The following HECW1 variants were observed in gnomAD, a reference collection of about 807,000 sequenced individuals.
HECW1 encodes HECT, C2 and WW domain containing E3 ubiquitin protein ligase 1, also known as E3 ubiquitin-protein ligase HECW1.
A neutral mutation model predicts 182.3 loss-of-function variants in HECW1; 61 were observed. That is an observed-to-expected ratio of 0.33 (90% CI 0.27 to 0.41). The LOEUF is 0.41. HECW1 is among the 10% of genes least tolerant of loss of function. The pLI, the probability that HECW1 is intolerant of heterozygous loss-of-function variation, is 1.00. For synonymous variants in HECW1, 859 were observed against 832.6 expected, an observed-to-expected ratio of 1.03 and a Z score of -0.55; for missense variants, 1,739 against 2,108.9, an observed-to-expected ratio of 0.82 and a Z score of 3.44.
intron 17 of HECW1, among the ~76,000 whole-genome samples, chr7:43,487,628 T>C (rs1329888629): frequency 1.3e-5 from 2 of 152,260 alleles, no homozygotes; most frequent in Non-Finnish European, 2.9e-5. Flanking sequence ...TGGTTTTAAA[T>C]GGAAAATCAG....
At chr7:43,145,055 C>G (rs1240645030) in intron 2 of HECW1, among the ~76,000 whole-genome samples, 1 of 152,076 alleles carries the variant, frequency 6.6e-6, no homozygotes, top group African/African-American at 2.4e-5. Flanking sequence ...ATGAGCTATA[C>G]TTTTGGTACA....
At chr7:43,293,639 A>T (rs1306556030) in intron 3 of HECW1, among the ~76,000 whole-genome samples, 3 of 152,206 alleles carry the variant, frequency 2.0e-5, no homozygotes, top group Non-Finnish European at 4.4e-5. Context: ...TCAGTCCTCA[A>T]CCTTCAGCAT....
At chr7:43,279,617 C>T (rs1803637310) in intron 3 of HECW1, among the ~76,000 whole-genome samples, 1 of 152,094 alleles carries the variant, frequency 6.6e-6, no homozygotes, top group Non-Finnish European at 1.5e-5. Flanking sequence ...AGAATGTGCG[C>T]CCTCCTTGTC....
chr7:43,547,382 AC>A (rs2081604784), intron 26 of HECW1, among the ~76,000 whole-genome samples: 1 of 151,872 alleles, frequency 6.6e-6, no homozygotes, highest in African/African-American at 2.4e-5. Flanking sequence ...CCCCATCTCT[AC>A]TAAAAATACA....
At chr7:43,500,860 G>A in intron 20 of HECW1, 78 bp downstream of exon 20, 1 of 1,217,382 alleles carries the variant, frequency 8.2e-7, no homozygotes, top group South Asian at 1.2e-5. Flanking sequence ...CCTGAAAATG[G>A]CCTAGACTGA....
At chr7:43,515,060 T>C (rs149567932) in intron 24 of HECW1, among the ~76,000 whole-genome samples, 44 of 152,308 alleles carry the variant, frequency 2.9e-4, no homozygotes, top group African/African-American at 1.0e-3. Flanking sequence ...TATCACATTG[T>C]ATTGTAATAA....
chr7:43,276,365 T>C (rs1422584588), intron 3 of HECW1, among the ~76,000 whole-genome samples: 1 of 152,188 alleles, frequency 6.6e-6, no homozygotes, highest in Non-Finnish European at 1.5e-5. Context: ...CCTCCAGTGA[T>C]GCTGGTCCCA....
intron 6 of HECW1, among the ~76,000 whole-genome samples, chr7:43,391,545 A>G (rs555144288): frequency 1.3e-5 from 2 of 152,194 alleles, no homozygotes; most frequent in Admixed American, 6.5e-5. Context: ...TGCTTTCCCC[A>G]GCCCCTTTGT....
At chr7:43,305,624 G>T (rs528758283) in intron 3 of HECW1, among the ~76,000 whole-genome samples, 6 of 151,070 alleles carry the variant, frequency 4.0e-5, no homozygotes, top group South Asian at 2.1e-4. Flanking sequence ...TTGTTGTTTG[G>T]GGGGGACAGA....
intron 6 of HECW1, 71 bp downstream of exon 6, chr7:43,361,051 T>G: frequency 2.4e-6 from 2 of 838,722 alleles, no homozygotes; most frequent in Non-Finnish European, 3.7e-6. Flanking sequence ...TTTGTTCTTG[T>G]GCGTGCGTGT....
intron 16 of HECW1, among the ~76,000 whole-genome samples, chr7:43,475,950 A>T (rs2078205947): frequency 6.6e-6 from 1 of 152,208 alleles, no homozygotes; most frequent in Admixed American, 6.5e-5. Context: ...TGGACATCTT[A>T]TTGTACAATC....
intron 5 of HECW1, among the ~76,000 whole-genome samples, chr7:43,340,844 A>G (rs979808890): frequency 4.0e-5 from 6 of 151,822 alleles, no homozygotes; most frequent in Non-Finnish European, 7.3e-5. Flanking sequence ...ATGCTACTAT[A>G]AAGACACATG....
At chr7:43,345,403 C>T (rs1813549131) in intron 5 of HECW1, among the ~76,000 whole-genome samples, 1 of 152,072 alleles carries the variant, frequency 6.6e-6, no homozygotes, top group Non-Finnish European at 1.5e-5. Flanking sequence ...AAATCATTCT[C>T]TTTTATGGTT....
At chr7:43,434,833 T>C (rs1446042296) in intron 8 of HECW1, among the ~76,000 whole-genome samples, 1 of 152,192 alleles carries the variant, frequency 6.6e-6, no homozygotes, top group African/African-American at 2.4e-5. Flanking sequence ...CTAGCTTCAG[T>C]GTCCCATGTA....
At chr7:43,532,403 CG>C (rs1158058358) in intron 24 of HECW1, among the ~76,000 whole-genome samples, 1 of 151,990 alleles carries the variant, frequency 6.6e-6, no homozygotes, top group Non-Finnish European at 1.5e-5. Flanking sequence ...TTTAACACAT[CG>C]GTTCATTCCA....
intron 6 of HECW1, among the ~76,000 whole-genome samples, chr7:43,395,853 A>T (rs1328116393): frequency 6.6e-6 from 1 of 152,220 alleles, no homozygotes; most frequent in Non-Finnish European, 1.5e-5. Flanking sequence ...GTGAATATCC[A>T]ATCACAACCT....
intron 2 of HECW1, among the ~76,000 whole-genome samples, chr7:43,155,692 C>T (rs1157377251): frequency 6.6e-6 from 1 of 152,184 alleles, no homozygotes; most frequent in Non-Finnish European, 1.5e-5. Flanking sequence ...CTTTTCTCTG[C>T]AGCAATTGTC....
chr7:43,186,903 G>C (rs1193967949), intron 2 of HECW1, among the ~76,000 whole-genome samples: 2 of 152,250 alleles, frequency 1.3e-5, no homozygotes. Context: ...GTACACTCTG[G>C]GATGTTCACA....
chr7:43,254,779 C>T (rs1392817367), intron 3 of HECW1, among the ~76,000 whole-genome samples: 2 of 146,302 alleles, frequency 1.4e-5, no homozygotes, highest in African/African-American at 5.6e-5. Flanking sequence ...AGAGAGATGG[C>T]TACTCTCTAC....
Sources: gnomAD v4.1 joint callset for allele counts (sites outside exome capture counted in the v4.1 genomes callset) on GRCh38, gnomAD v4.1.1 for gene constraint, MANE v1.5 for transcripts, NCBI Gene and HGNC (gene_info 2026-07-23, HGNC 2026-07-21) for gene names.